CAMTA1: variants seen among roughly 807,000 people sequenced by gnomAD.
CAMTA1 encodes the protein calmodulin binding transcription activator 1.
A neutral mutation model predicts 170.9 loss-of-function variants in CAMTA1; 27 were observed. The ratio of observed to expected loss-of-function variants is 0.16; its 90% confidence interval spans 0.12 to 0.22. The LOEUF is 0.22. Ranked by LOEUF, CAMTA1 falls within the 10% of genes least tolerant of loss-of-function variation. CAMTA1 has a pLI of 1.00. For synonymous variants in CAMTA1, 833 were observed against 891.5 expected, an observed-to-expected ratio of 0.93 and a Z score of 1.17; for missense variants, 1,619 against 2,217.2, an observed-to-expected ratio of 0.73 and a Z score of 5.42.
At chr1:7,090,698 A>G (rs975874682) in intron 3 of CAMTA1, among the ~76,000 whole-genome samples, 2 of 152,136 alleles carry the variant, frequency 1.3e-5, no homozygotes, top group Non-Finnish European at 2.9e-5. Flanking sequence ...TCTTTACCTT[A>G]AACTCTGCTG....
At chr1:7,209,419 G>A (rs979700459) in intron 4 of CAMTA1, among the ~76,000 whole-genome samples, 2 of 152,174 alleles carry the variant, frequency 1.3e-5, no homozygotes, top group Non-Finnish European at 2.9e-5. Flanking sequence ...CTTTGGGGTT[G>A]ATTCATATCT....
chr1:6,899,272 C>T (rs780617221), intron 3 of CAMTA1, among the ~76,000 whole-genome samples: 1 of 152,222 alleles, frequency 6.6e-6, no homozygotes, highest in Non-Finnish European at 1.5e-5. Context: ...TATTGTCTCA[C>T]GTGAACAGGC....
intron 11 of CAMTA1, among the ~76,000 whole-genome samples, chr1:7,712,288 T>C (rs144246611): frequency 1.3e-5 from 2 of 152,332 alleles, no homozygotes; most frequent in East Asian, 3.9e-4. Flanking sequence ...TATAAATTTA[T>C]TGATAACCTA....
intron 5 of CAMTA1, among the ~76,000 whole-genome samples, chr1:7,465,251 A>G (rs1429406565): frequency 6.6e-6 from 1 of 152,176 alleles, no homozygotes; most frequent in Non-Finnish European, 1.5e-5. Context: ...CCATTCTGAG[A>G]AGGCAGATGG....
At chr1:7,158,133 T>C (rs1647002063) in intron 4 of CAMTA1, among the ~76,000 whole-genome samples, 1 of 152,160 alleles carries the variant, frequency 6.6e-6, no homozygotes, top group Non-Finnish European at 1.5e-5. Flanking sequence ...CACTCCAGCC[T>C]GGGTGACAGA....
At chr1:6,827,592 G>A (rs1647537476) in intron 3 of CAMTA1, among the ~76,000 whole-genome samples, 1 of 151,822 alleles carries the variant, frequency 6.6e-6, no homozygotes, top group South Asian at 2.1e-4. Context: ...AATCAGCGGT[G>A]TTACTAAAGC....
At chr1:7,743,376 CAG>C (rs888835856) in intron 16 of CAMTA1, among the ~76,000 whole-genome samples, 2 of 152,134 alleles carry the variant, frequency 1.3e-5, no homozygotes, top group East Asian at 1.9e-4. Context: ...TTTAAATGCT[CAG>C]GGGATGGCTT....
intron 1 of CAMTA1, among the ~76,000 whole-genome samples, chr1:6,787,613 CGTT>C (rs1373082891): frequency 6.6e-6 from 1 of 152,138 alleles, no homozygotes; most frequent in Non-Finnish European, 1.5e-5. Flanking sequence ...TAGATATTAA[CGTT>C]GTTGGTAACT....
At chr1:7,208,765 C>T (rs1658218720) in intron 4 of CAMTA1, among the ~76,000 whole-genome samples, 1 of 152,208 alleles carries the variant, frequency 6.6e-6, no homozygotes, top group Non-Finnish European at 1.5e-5. Context: ...AATAACTTGA[C>T]TATGTGGGCT....
At chr1:6,964,604 C>T (rs1322398363) in intron 3 of CAMTA1, among the ~76,000 whole-genome samples, 1 of 152,214 alleles carries the variant, frequency 6.6e-6, no homozygotes, top group African/African-American at 2.4e-5. Flanking sequence ...AAGGAGGCTA[C>T]ATTTTCTTAT....
rs1482084691 is a variant in CAMTA1, at chr1:7,535,215, T to C, written c.510+67314T>C. On this transcript the variant is annotated intron_variant, in intron 6 of 22. Transcript: ENST00000303635. ...TGACTCTGGTGACAAGGGGCTCTGA[T>C]TGGCCAGCATGTGTCTTCTGAAGTC... 2.0e-5 allele frequency among the ~76,000 whole-genome samples: 3 copies of C among 152,118 alleles called. No individual in the cohort carries two copies. In the East Asian group the frequency reaches 5.8e-4, roughly 29 times the overall value.
chr1:7,664,789 G>A lies in CAMTA1; in HGVS notation c.2242G>A (p.Ala748Thr). The A allele has an allele frequency of 6.2e-7, 1 of 1,612,596 alleles. No homozygotes were observed. The change falls in exon 9 of 23, where the codon GCC becomes ACC. Residue 748 changes from alanine to threonine, a missense_variant. Physicochemically the swap from Ala to Thr is moderately conservative, Grantham distance 58 (BLOSUM62 0). Around this residue, in one of 8 missense-constraint regions of CAMTA1, gnomAD observed 731 missense variants for 907.6 expected, o/e 0.81. Transcript: ENST00000303635. ...GNVVQGLYPV[A>T]QPSLGNASNM... ...CGTGGTGCAGGGACTCTACCCCGTG[G>A]CCCAGCCCAGCCTCGGCAACGCCTC...
rs2095116720 is a variant in CAMTA1 at position 7,570,812 on chromosome 1, G to C, written c.511-69588G>C. Reference sequence around the variant, plus strand: ...AATCAGTGTTATCATGCGAGGATGGGGATAGGGTACGGAGACTGGAGAGAG... The same window carrying C: ...AATCAGTGTTATCATGCGAGGATGGCGATAGGGTACGGAGACTGGAGAGAG... On this transcript the variant is annotated intron_variant, in intron 6 of 22. Coordinates refer to ENST00000303635, the MANE Select transcript of CAMTA1 (RefSeq NM_015215.4). This position sits in a 1 kb window ranked among gnomAD's most constrained non-coding sequence, Gnocchi z 4.3. 6.6e-6 allele frequency among the ~76,000 whole-genome samples: 1 copy of C among 152,178 alleles called. No individual in the cohort carries two copies. The highest frequency in any genetic ancestry group is 1.5e-5 in the Non-Finnish European group (1 of 68,028).
At chr1:7,567,790 A>G (rs2095061211) in intron 6 of CAMTA1, among the ~76,000 whole-genome samples, 1 of 152,204 alleles carries the variant, frequency 6.6e-6, no homozygotes, top group South Asian at 2.1e-4. Context: ...CATGTATTTT[A>G]TCCTGGGCTC....
chr1:7,488,226 T>C (rs1553179129), intron 6 of CAMTA1, among the ~76,000 whole-genome samples: 1 of 152,170 alleles, frequency 6.6e-6, no homozygotes, highest in Non-Finnish European at 1.5e-5. Context: ...GACCAGAGCC[T>C]TTCCAGCAGC....
At chr1:7,655,481 A>G (rs1454477584) in intron 7 of CAMTA1, among the ~76,000 whole-genome samples, 1 of 17,192 alleles carries the variant, frequency 5.8e-5, no homozygotes, top group African/African-American at 1.6e-4. Flanking sequence ...ACCTATACAA[A>G]CACACACCTA....
chr1:7,600,920 C>T (rs2150566226), intron 6 of CAMTA1, among the ~76,000 whole-genome samples: 2 of 151,586 alleles, frequency 1.3e-5, no homozygotes, highest in African/African-American at 4.8e-5. Flanking sequence ...ATTTCTCAGT[C>T]TTTTCCCCAC....
chr1:7,052,154 G>A (rs1011025963), intron 3 of CAMTA1, among the ~76,000 whole-genome samples: 15 of 152,070 alleles, frequency 9.9e-5, no homozygotes, highest in African/African-American at 3.4e-4. Flanking sequence ...CTGCATCTTC[G>A]GCTGCTTCAC....
intron 6 of CAMTA1, among the ~76,000 whole-genome samples, chr1:7,528,227 A>G (rs973381052): frequency 6.6e-6 from 1 of 152,174 alleles, no homozygotes; most frequent in Admixed American, 6.5e-5. Flanking sequence ...AAAAACAACA[A>G]AAGTCGACTC....
Sources: allele counts gnomAD v4.1 joint callset (sites outside exome capture counted in the v4.1 genomes callset), GRCh38; gene constraint gnomAD v4.1.1; regional missense constraint gnomAD v4.1.1; non-coding constraint Gnocchi (gnomAD v3.1); transcripts MANE v1.5; gene names NCBI Gene and HGNC (gene_info 2026-07-23, HGNC 2026-07-21).